The following PCDHA2 variants were observed in gnomAD, a reference collection of about 807,000 sequenced individuals.
PCDHA2 encodes protocadherin alpha-2.
PCDHA2 carries 58 observed loss-of-function variants against 66.0 expected under a neutral mutation model. That is an observed-to-expected ratio of 0.88 (90% CI 0.71 to 1.09). The LOEUF is 1.09. PCDHA2 is among the 50% of genes least tolerant of loss of function. PCDHA2 has a pLI of 0.00. For missense variants in PCDHA2, 1,267 were observed against 1,242.3 expected (o/e 1.02, Z -0.30); for synonymous variants, 634 against 554.0 (o/e 1.14, Z -2.03).
rs1351145867 is a variant in PCDHA2, at chr5:141,012,314, G to T, written c.*2377G>T. On this transcript the variant is annotated 3_prime_UTR_variant, in exon 4 of 4. Coordinates refer to ENST00000526136, the MANE Select transcript of PCDHA2 (RefSeq NM_018905.3). ...AATTGGTGCTATTGGTATTTCCTCTGTTATTGCTAATAAATGAAAATGGTG... is the reference window on the plus strand; with the variant it reads ...AATTGGTGCTATTGGTATTTCCTCTTTTATTGCTAATAAATGAAAATGGTG... The T allele has an allele frequency of 6.5e-6, 1 of 153,728 alleles. No individual in the cohort carries two copies. The highest frequency in any genetic ancestry group is 2.4e-5 in the African/African-American group (1 of 41,440). 9.5% of individuals were successfully genotyped at this position (153,728 alleles called of 1,614,324 possible). A position where few individuals can be genotyped will look rare whatever the true frequency, so the allele number is the denominator to read the frequency against.
intron 1 of PCDHA2, chr5:140,869,887 C>T (rs782219538): frequency 3.7e-6 from 6 of 1,610,056 alleles, no homozygotes; most frequent in Non-Finnish European, 3.4e-6. Flanking sequence ...AACTCTTGTG[C>T]TCAAACTAAA....
intron 1 of PCDHA2, among the ~76,000 whole-genome samples, chr5:140,924,635 C>G (rs2081927697): frequency 6.6e-6 from 1 of 152,108 alleles, no homozygotes; most frequent in Non-Finnish European, 1.5e-5. Context: ...GGGCTCACAC[C>G]TGTAATCCCA....
chr5:141,006,750 G>A (rs1233243147), intron 3 of PCDHA2, among the ~76,000 whole-genome samples: 1 of 152,122 alleles, frequency 6.6e-6, no homozygotes, highest in African/African-American at 2.4e-5. Flanking sequence ...TATTATAAAT[G>A]GAGAATGAAG....
intron 1 of PCDHA2, chr5:140,857,764 G>C (rs552891884): frequency 2.5e-6 from 4 of 1,597,520 alleles, no homozygotes; most frequent in Non-Finnish European, 3.4e-6. Context: ...CTGGCAGCGC[G>C]GGCGGTGCAG....
intron 1 of PCDHA2, chr5:140,876,311 G>A: frequency 1.2e-6 from 2 of 1,613,954 alleles, no homozygotes; most frequent in East Asian, 2.2e-5. Flanking sequence ...ATTTCCTATG[G>A]GATCAAAATG....
chr5:140,845,256 T>A (rs1349718505), intron 1 of PCDHA2, among the ~76,000 whole-genome samples: 1 of 149,608 alleles, frequency 6.7e-6, no homozygotes, highest in Admixed American at 6.7e-5. Flanking sequence ...GAATAATATG[T>A]GTTTTCCTTT....
At chr5:140,815,207 A>G (rs1765675680) in intron 1 of PCDHA2, 1 of 152,160 alleles carries the variant, frequency 6.6e-6, no homozygotes, top group Admixed American at 6.5e-5. Flanking sequence ...TTGATAGGGC[A>G]TAACTTACTG....
chr5:140,966,674 G>T, intron 1 of PCDHA2: 1 of 1,295,168 alleles, frequency 7.7e-7, no homozygotes, highest in Admixed American at 3.8e-5. Flanking sequence ...GGCGCAGGGT[G>T]GCACGAGCGG....
Position 140,843,291 on chromosome 5 carries a change from C to T in PCDHA2, c.2388+45939C>T, listed in dbSNP as rs2150356588. The T allele has an allele frequency of 1.3e-6, 2 of 1,595,988 alleles. 1 individual carries two copies. The highest frequency in any genetic ancestry group is 1.7e-6 in the Non-Finnish European group (2 of 1,165,560). On this transcript the variant is annotated intron_variant, in intron 1 of 3. Coordinates refer to ENST00000526136, the MANE Select transcript of PCDHA2 (RefSeq NM_018905.3). Reference sequence around the variant, plus strand: ...GTCCTGGTGAAGGATCATGGTGAACCTGCGCTGACCGCCACGGCCACGGTT... The same window carrying T: ...GTCCTGGTGAAGGATCATGGTGAACTTGCGCTGACCGCCACGGCCACGGTT...
intron 1 of PCDHA2, among the ~76,000 whole-genome samples, chr5:140,838,390 C>T (rs1554137063): frequency 6.6e-6 from 1 of 150,926 alleles, no homozygotes; most frequent in African/African-American, 2.5e-5. Flanking sequence ...TCCCAATGTG[C>T]TGGGATTACA....
rs2150382245 is a variant in PCDHA2, at chr5:140,845,891, G to A, written c.2388+48539G>A. On this transcript the variant is annotated intron_variant, in intron 1 of 3. Coordinates refer to ENST00000526136, the MANE Select transcript of PCDHA2 (RefSeq NM_018905.3). ...AGGCAACCTAAAATGTCAGAAAGTC[G>A]TTATGGCCTTCCATATTAATCTTAT... 6.7e-5 allele frequency among the ~76,000 whole-genome samples: 10 copies of A among 149,728 alleles called. 1 individual carries two copies. Among genetic ancestry groups the A allele is most frequent in the East Asian group, 3.9e-4 (2 of 5,176 alleles).
chr5:140,797,842 T>G (rs1243497104), intron 1 of PCDHA2, among the ~76,000 whole-genome samples: 1 of 149,426 alleles, frequency 6.7e-6, no homozygotes, highest in Non-Finnish European at 1.5e-5. Flanking sequence ...GTTAATAAGC[T>G]ACATTTTTTT....
At chr5:140,870,161 CCTT>C in intron 1 of PCDHA2, 2 of 1,614,124 alleles carry the variant, frequency 1.2e-6, no homozygotes, top group Non-Finnish European at 1.7e-6. Flanking sequence ...GCCGTGACTT[CCTT>C]GTCCCTCCCA....
chr5:141,000,419 A>ATTTTTT (rs1563652468), intron 3 of PCDHA2, among the ~76,000 whole-genome samples: 3 of 60,996 alleles, frequency 4.9e-5, no homozygotes, highest in African/African-American at 7.6e-5. Context: ...ATATATATAT[A>ATTTTTT]TATTTTTTTT....
chr5:140,823,804 G>T lies in PCDHA2; in HGVS notation c.2388+26452G>T, dbSNP rs2150129260. The stretch of plus-strand genomic sequence containing the variant: ...GGTGGAAAGTGGCCAGGCGCCGAAG[G>T]CCTCATCGCGGGCGTCGGCGGGCGC... On this transcript the variant is annotated intron_variant, in intron 1 of 3. Transcript: ENST00000526136. 5 of 1,613,812 alleles carry T rather than the reference G, an allele frequency of 3.1e-6. No individual in the cohort carries two copies. In the Admixed American group the frequency reaches 5.0e-5, roughly 16 times the overall value.
chr5:140,836,517 G>A (rs2150262716), intron 1 of PCDHA2: 2 of 1,613,868 alleles, frequency 1.2e-6, no homozygotes, highest in African/African-American at 2.7e-5. Flanking sequence ...CAGTCTGTTG[G>A]TGCTTACCCT....
Position 140,797,119 on chromosome 5 carries a change from A to C in PCDHA2, c.2155A>C (p.Thr719Pro). The change falls in exon 1 of 4, where the codon ACT becomes CCT. Residue 719 changes from threonine to proline, a missense_variant. Physicochemically the swap from Thr to Pro is conservative, Grantham distance 38. Transcript: ENST00000526136. ...GTTGGTGCTCACGGTGCTGCTGTACACTGCGCTGCGGTGCTCGGTGCCACC... is the reference window on the plus strand; with the variant it reads ...GTTGGTGCTCACGGTGCTGCTGTACCCTGCGCTGCGGTGCTCGGTGCCACC... ...SLLVLTVLLY[T>P]ALRCSVPPTE... 1.9e-6 allele frequency: 3 copies of C among 1,613,974 alleles called. No homozygotes were observed. The highest frequency in any genetic ancestry group is 1.3e-5 in the African/African-American group (1 of 75,052).
intron 3 of PCDHA2, among the ~76,000 whole-genome samples, chr5:141,000,361 G>GTCTCTCTCTC (rs148596731): frequency 1.1e-4 from 3 of 26,446 alleles, no homozygotes; most frequent in East Asian, 1.6e-3. Context: ...GTCTCTCTCT[G>GTCTCTCTCTC]TCTCTCTCTC....
chr5:140,887,101 CTTT>C (rs200717289), intron 1 of PCDHA2, among the ~76,000 whole-genome samples: 1 of 145,292 alleles, frequency 6.9e-6, no homozygotes, highest in African/African-American at 2.5e-5. Flanking sequence ...ATCTTTATCT[CTTT>C]TTTTTTTTTT....
Sources: allele counts gnomAD v4.1 joint callset (sites outside exome capture counted in the v4.1 genomes callset), GRCh38; gene constraint gnomAD v4.1.1; transcripts MANE v1.5; gene names NCBI Gene and HGNC (gene_info 2026-07-23, HGNC 2026-07-21).